The following ZNF385D variants were observed in gnomAD, a reference collection of about 807,000 sequenced individuals.
ZNF385D encodes the protein zinc finger protein 385D.
In ZNF385D, 15 loss-of-function variants were observed where a neutral mutation model predicts 35.8. That is an observed-to-expected ratio of 0.42 (90% CI 0.28 to 0.64). ZNF385D has a LOEUF of 0.64. Among genes scored for constraint, ZNF385D ranks in the 30% least tolerant of loss-of-function variants. The pLI is 0.23. For synonymous variants in ZNF385D, 212 were observed against 186.8 expected (o/e 1.13, Z -1.10); for missense variants, 474 against 494.6 (o/e 0.96, Z 0.39).
intron 3 of ZNF385D, among the ~76,000 whole-genome samples, chr3:21,863,367 C>A (rs1679228): frequency 0.41 from 62,648 of 151,866 alleles, 13,150 homozygotes; most frequent in Non-Finnish European, 0.43. Context: ...TTCTCTTTTT[C>A]TGAGCCACTG....
chr3:22,220,237 C>T (rs1286076372), intron 2 of ZNF385D, among the ~76,000 whole-genome samples: 3 of 151,738 alleles, frequency 2.0e-5, no homozygotes, highest in African/African-American at 4.8e-5. Context: ...CTAATGATTT[C>T]GAGTTTTCAT....
rs181770116 is a variant in ZNF385D, at chr3:22,156,684, C to T, written c.325+12133G>A. Among the ~76,000 whole-genome samples the T allele has an allele frequency of 2.0e-5, 3 of 152,214 alleles. No individual in the cohort carries two copies. The East Asian group carries it at 5.8e-4, about 29-fold the overall frequency. ...GCCGACTGAGGTATGTAAACTGAGC[C>T]ACAGCCATCTCTTTCCTCTTCCTCA... On this transcript the variant is annotated intron_variant, in intron 3 of 5. Coordinates refer to the ZNF385D transcript ENST00000494108.
chr3:22,354,710 C>T (rs977851050), intron 2 of ZNF385D, among the ~76,000 whole-genome samples: 6 of 151,982 alleles, frequency 3.9e-5, no homozygotes, highest in Non-Finnish European at 8.8e-5. Flanking sequence ...TTTAAAAATG[C>T]AGACAATAAC....
intron 2 of ZNF385D, among the ~76,000 whole-genome samples, chr3:22,224,444 T>C (rs572958336): frequency 2.6e-4 from 39 of 152,286 alleles, no homozygotes; most frequent in South Asian, 2.1e-3. Context: ...CTCTGTATTA[T>C]AGTTATACCT....
intron 3 of ZNF385D, among the ~76,000 whole-genome samples, chr3:22,111,749 C>T (rs1702548181): frequency 6.6e-6 from 1 of 151,992 alleles, no homozygotes; most frequent in African/African-American, 2.4e-5. Context: ...CTCTTTTATC[C>T]CTTCTGACTA....
At chr3:21,734,288 T>A (rs997467181) in intron 1 of ZNF385D, among the ~76,000 whole-genome samples, 15 of 151,442 alleles carry the variant, frequency 9.9e-5, no homozygotes, top group Non-Finnish European at 1.6e-4. Flanking sequence ...ACTCAGGGTT[T>A]TTTTTTTCAG....
At chr3:22,308,196 T>G (rs1362656592) in intron 2 of ZNF385D, among the ~76,000 whole-genome samples, 2 of 152,056 alleles carry the variant, frequency 1.3e-5, no homozygotes, top group Non-Finnish European at 2.9e-5. Context: ...CTGAAACAAT[T>G]ATTATGTTAG....
intron 3 of ZNF385D, among the ~76,000 whole-genome samples, chr3:21,893,914 G>C (rs1187591395): frequency 1.3e-5 from 2 of 152,012 alleles, no homozygotes; most frequent in Admixed American, 1.3e-4. Context: ...TATTTTCATT[G>C]TACAGGTTGT....
At chr3:22,342,491 C>T (rs918281997) in intron 2 of ZNF385D, among the ~76,000 whole-genome samples, 10 of 151,968 alleles carry the variant, frequency 6.6e-5, no homozygotes, top group African/African-American at 1.9e-4. Flanking sequence ...CCTTTTTCAT[C>T]TACCTGAACA....
chr3:22,222,571 C>T (rs1698322067), intron 2 of ZNF385D, among the ~76,000 whole-genome samples: 2 of 152,102 alleles, frequency 1.3e-5, no homozygotes, highest in Admixed American at 1.3e-4. Flanking sequence ...ACTAGGCTTG[C>T]ATAACAGGAA....
At chr3:21,833,315 C>T (rs920208779) in intron 3 of ZNF385D, among the ~76,000 whole-genome samples, 1 of 152,094 alleles carries the variant, frequency 6.6e-6, no homozygotes, top group African/African-American at 2.4e-5. Context: ...TTAATATTAC[C>T]TTGTATGGCA....
chr3:21,539,851 A>G lies in ZNF385D; in HGVS notation c.276+24723T>C. Among the ~76,000 whole-genome samples, 1 of 152,190 alleles carries G rather than the reference A, an allele frequency of 6.6e-6. No homozygotes were observed. Among genetic ancestry groups the G allele is most frequent in the East Asian group, 1.9e-4 (1 of 5,204 alleles). On this transcript the variant is annotated intron_variant, in intron 3 of 7. Coordinates refer to ENST00000281523, the MANE Select transcript of ZNF385D (RefSeq NM_024697.3). This position sits in a 1 kb window ranked among gnomAD's most constrained non-coding sequence, Gnocchi z 4.0. Reference sequence around the variant, plus strand: ...GAAATATTTTTACTACAAACACAGCATAAGAGTAATGCTGATTTTGAGCAA... The same window carrying G: ...GAAATATTTTTACTACAAACACAGCGTAAGAGTAATGCTGATTTTGAGCAA...
intron 3 of ZNF385D, among the ~76,000 whole-genome samples, chr3:21,558,344 G>GT (rs72487674): frequency 3.3e-5 from 5 of 151,608 alleles, no homozygotes; most frequent in Non-Finnish European, 5.9e-5. Flanking sequence ...CAGAGATTCT[G>GT]GTACATTGTG....
At chr3:21,536,795 T>G (rs989417044) in intron 3 of ZNF385D, among the ~76,000 whole-genome samples, 1 of 151,986 alleles carries the variant, frequency 6.6e-6, no homozygotes, top group Non-Finnish European at 1.5e-5. Flanking sequence ...GGTCTGAATC[T>G]TAAATACAGT....
At chr3:22,067,788 C>G (rs550087705) in intron 3 of ZNF385D, among the ~76,000 whole-genome samples, 13 of 152,266 alleles carry the variant, frequency 8.5e-5, no homozygotes, top group African/African-American at 3.1e-4. Flanking sequence ...CTTTGGGAAA[C>G]TGAGGTGGGC....
At chr3:21,988,885 A>C (rs568299651) in intron 3 of ZNF385D, among the ~76,000 whole-genome samples, 2 of 152,238 alleles carry the variant, frequency 1.3e-5, no homozygotes, top group African/African-American at 4.8e-5. Flanking sequence ...GCCGTTTTTT[A>C]AGCCGGTCTG....
chr3:21,504,956 C>T (rs1706662014), intron 4 of ZNF385D, among the ~76,000 whole-genome samples: 1 of 152,032 alleles, frequency 6.6e-6, no homozygotes, highest in African/African-American at 2.4e-5. Flanking sequence ...TGCATAGAGG[C>T]TAGGGCAAAT....
chr3:22,201,927 A>C (rs1429367474), intron 2 of ZNF385D, among the ~76,000 whole-genome samples: 1 of 152,058 alleles, frequency 6.6e-6, no homozygotes, highest in East Asian at 1.9e-4. Flanking sequence ...AAAATATCCC[A>C]AGCAAAATAA....
At chr3:22,161,968 T>C (rs1490149914) in intron 3 of ZNF385D, among the ~76,000 whole-genome samples, 1 of 152,196 alleles carries the variant, frequency 6.6e-6, no homozygotes, top group Admixed American at 6.6e-5. Flanking sequence ...TTAGGTTCTT[T>C]GATCCTTGGC....
Sources: allele counts gnomAD v4.1 joint callset (sites outside exome capture counted in the v4.1 genomes callset), GRCh38; gene constraint gnomAD v4.1.1; non-coding constraint Gnocchi (gnomAD v3.1); transcripts MANE v1.5; gene names NCBI Gene and HGNC (gene_info 2026-07-23, HGNC 2026-07-21).